Variants in RHOU observed in about 807,000 individuals in gnomAD.
RHOU encodes ras homolog family member U, also known as rho-related GTP-binding protein RhoU.
RHOU carries 8 observed loss-of-function variants against 12.6 expected under a neutral mutation model. That is an observed-to-expected ratio of 0.64 (90% confidence interval 0.37 to 1.15). The LOEUF (loss-of-function observed/expected upper bound fraction) is 1.15, where lower values mean the gene tolerates loss of function less well. RHOU is among the 50% of genes most tolerant of loss of function. RHOU has a pLI of 0.01. For synonymous variants in RHOU, 161 were observed against 147.4 expected (o/e 1.09, Z -0.67); for missense variants, 258 against 347.0 (o/e 0.74, Z 2.04).
the RHOU span, among the ~76,000 whole-genome samples, chr1:228,665,704 G>A: frequency 2.0e-5 from 3 of 152,188 alleles, no homozygotes; most frequent in African/African-American, 4.8e-5. Flanking sequence ...CCAGAATAAA[G>A]AGCAAATTTG....
At chr1:228,707,126 A>ATATATATATATATATATATATATG in the RHOU span, among the ~76,000 whole-genome samples, 1 of 75,374 alleles carries the variant, frequency 1.3e-5, no homozygotes, top group African/African-American at 1.5e-4. Context: ...ATATATATAT[A>ATATATATATATATATATATATATG]CATATATATA....
Position 228,743,430 on chromosome 1 carries a change from T to C in RHOU, c.467T>C (p.Ile156Thr). The change falls in exon 3 of 3, where the codon ATC becomes ACC. Residue 156 changes from isoleucine (I) to threonine (T), a missense_variant. Transcript: ENST00000366691. This position sits in a 1 kb window ranked among gnomAD's most constrained non-coding sequence, Gnocchi z 5.1. ...EIRCHCPKAP[I>T]ILVGTQSDLR... is the part of the protein sequence containing the mutation. Reference sequence around the variant, plus strand: ...CGATGCCACTGTCCCAAAGCCCCCATCATCCTAGTTGGAACGCAGTCGGAT... The same window carrying C: ...CGATGCCACTGTCCCAAAGCCCCCACCATCCTAGTTGGAACGCAGTCGGAT... 6.2e-7 allele frequency: 1 copy of C among 1,614,142 alleles called. No individual in the cohort carries two copies. The highest frequency in any genetic ancestry group is 8.5e-7 in the Non-Finnish European group (1 of 1,180,032).
the RHOU span, among the ~76,000 whole-genome samples, chr1:228,681,973 T>C: frequency 2.9e-4 from 44 of 152,272 alleles, no homozygotes; most frequent in Non-Finnish European, 1.5e-4. Flanking sequence ...GGCATCCCCG[T>C]GGTGATCAGA....
In RHOU at chr1:228,738,115, A is replaced by G. The variant is rs1662651022; in HGVS notation, c.321+384A>G. Among the ~76,000 whole-genome samples, 1 of 152,248 alleles carries G rather than the reference A, an allele frequency of 6.6e-6. No homozygotes were observed. Among genetic ancestry groups the G allele is most frequent in the African/African-American group, 2.4e-5 (1 of 41,464 alleles). On this transcript the variant is annotated intron_variant, in intron 2 of 2. Transcript: ENST00000366691. This position sits in a 1 kb window ranked among gnomAD's most constrained non-coding sequence, Gnocchi z 4.2. Reference sequence around the variant, plus strand: ...TCTTATAATCGTTTTATTAAAGGCCAGTGAGTCAGATATTGAAGAAATTTG... The same window carrying G: ...TCTTATAATCGTTTTATTAAAGGCCGGTGAGTCAGATATTGAAGAAATTTG...
At chr1:228,675,610 C>A in the RHOU span, among the ~76,000 whole-genome samples, 43 of 152,320 alleles carry the variant, frequency 2.8e-4, 1 homozygote, top group South Asian at 6.8e-3. Flanking sequence ...GTATTCCACA[C>A]TTTTATTACA....
the RHOU span, among the ~76,000 whole-genome samples, chr1:228,721,245 T>C: frequency 6.6e-6 from 1 of 152,158 alleles, no homozygotes; most frequent in East Asian, 1.9e-4. Flanking sequence ...AAGGTTGCAG[T>C]GAGCCGAGAT....
chr1:228,701,097 T>A, the RHOU span, among the ~76,000 whole-genome samples: 10 of 152,042 alleles, frequency 6.6e-5, no homozygotes, highest in African/African-American at 1.9e-4. Context: ...TCGAAAAAAA[T>A]TAAAATATAT....
chr1:228,678,802 T>C, the RHOU span, among the ~76,000 whole-genome samples: 1 of 151,988 alleles, frequency 6.6e-6, no homozygotes, highest in Non-Finnish European at 1.5e-5. Context: ...TTTTGGAAGT[T>C]ATGAGAACTG....
chr1:228,656,794 A>G, the RHOU span, among the ~76,000 whole-genome samples: 1 of 152,150 alleles, frequency 6.6e-6, no homozygotes, highest in Non-Finnish European at 1.5e-5. Context: ...AATGCATATA[A>G]AAAAAGGTAG....
chr1:228,687,722 G>A, the RHOU span: 2 of 1,457,762 alleles, frequency 1.4e-6, no homozygotes, highest in Non-Finnish European at 1.9e-6. Flanking sequence ...TCAAAGAATT[G>A]GGTGAGCACG....
chr1:228,698,795 T>C, the RHOU span, among the ~76,000 whole-genome samples: 1 of 152,254 alleles, frequency 6.6e-6, no homozygotes, highest in South Asian at 2.1e-4. Context: ...GCCCTTTGTC[T>C]TTCCTTTATT....
the RHOU span, among the ~76,000 whole-genome samples, chr1:228,724,273 A>C: frequency 6.6e-6 from 1 of 152,188 alleles, no homozygotes; most frequent in Non-Finnish European, 1.5e-5. Flanking sequence ...CTACTGTCTG[A>C]GAAGAAAGGG....
At chr1:228,714,259 C>A in the RHOU span, among the ~76,000 whole-genome samples, 7 of 151,688 alleles carry the variant, frequency 4.6e-5, no homozygotes, top group Non-Finnish European at 8.8e-5. Flanking sequence ...AATTTTGCAT[C>A]AATTTTCATA....
At chr1:228,732,224 G>C (rs1001420717), upstream of RHOU, among the ~76,000 whole-genome samples, 1 of 152,198 alleles carries the variant, frequency 6.6e-6, no homozygotes, top group Non-Finnish European at 1.5e-5. Context: ...GCTTCTAAGT[G>C]TGGGATATAG....
At chr1:228,695,671 G>A in the RHOU span, among the ~76,000 whole-genome samples, 2 of 152,212 alleles carry the variant, frequency 1.3e-5, no homozygotes, top group Admixed American at 1.3e-4. Flanking sequence ...GGGTGTGAAG[G>A]GGGTGCAGGT....
chr1:228,683,119 G>GTCA, the RHOU span, among the ~76,000 whole-genome samples: 1,611 of 152,210 alleles, frequency 0.011, 28 homozygotes, highest in African/African-American at 0.037. Flanking sequence ...CTTGGGATCT[G>GTCA]GGCTGGAGTC....
At chr1:228,657,183 A>G in the RHOU span, among the ~76,000 whole-genome samples, 1 of 148,916 alleles carries the variant, frequency 6.7e-6, no homozygotes, top group South Asian at 2.2e-4. Context: ...AGGCTGAGGC[A>G]GGAGAATCGC....
chr1:228,662,380 C>T, the RHOU span, among the ~76,000 whole-genome samples: 1,860 of 152,178 alleles, frequency 0.012, 42 homozygotes, highest in African/African-American at 0.042. Flanking sequence ...CAAATGCACG[C>T]GAGTGTTTAT....
chr1:228,649,304 C>T, the RHOU span, among the ~76,000 whole-genome samples: 2 of 152,198 alleles, frequency 1.3e-5, no homozygotes, highest in South Asian at 2.1e-4. Flanking sequence ...AGTACCTTTT[C>T]GTCAGGTTTG....
Sources: allele counts gnomAD v4.1 joint callset (sites outside exome capture counted in the v4.1 genomes callset), GRCh38; gene constraint gnomAD v4.1.1; non-coding constraint Gnocchi (gnomAD v3.1); transcripts MANE v1.5; gene names NCBI Gene and HGNC (gene_info 2026-07-23, HGNC 2026-07-21).